Variants in KCNIP4 observed in about 807,000 individuals in gnomAD.
KCNIP4 encodes potassium voltage-gated channel interacting protein 4.
KCNIP4 carries 12 observed loss-of-function variants against 34.0 expected under a neutral mutation model. That is an observed-to-expected ratio of 0.35 (90% confidence interval 0.23 to 0.57). The LOEUF (loss-of-function observed/expected upper bound fraction) is 0.57. Ranked by LOEUF, KCNIP4 falls within the 20% of genes least tolerant of loss-of-function variation. The pLI is 0.83. For synonymous variants in KCNIP4, 124 were observed against 102.2 expected, an observed-to-expected ratio of 1.21 and a Z score of -1.29; for missense variants, 238 against 311.7, an observed-to-expected ratio of 0.76 and a Z score of 1.78.
chr4:20,858,017 G>C (rs537240081), intron 2 of KCNIP4, among the ~76,000 whole-genome samples: 1 of 151,752 alleles, frequency 6.6e-6, no homozygotes. Context: ...AGACCAGCCT[G>C]GCCAACATGG....
At chr4:21,092,632 A>AGTG (rs139883131) in intron 1 of KCNIP4, among the ~76,000 whole-genome samples, 1 of 152,034 alleles carries the variant, frequency 6.6e-6, no homozygotes, top group African/African-American at 2.4e-5. Context: ...ATGCTCCTTC[A>AGTG]TAAGGGTAGA....
intron 1 of KCNIP4, among the ~76,000 whole-genome samples, chr4:21,347,180 G>A (rs1404592387): frequency 6.6e-6 from 1 of 152,160 alleles, no homozygotes; most frequent in African/African-American, 2.4e-5. Flanking sequence ...CCTTGGTAAT[G>A]TTAATGCTTA....
intron 1 of KCNIP4, among the ~76,000 whole-genome samples, chr4:21,271,093 G>C (rs950780543): frequency 6.6e-6 from 1 of 152,048 alleles, no homozygotes; most frequent in African/African-American, 2.4e-5. Context: ...TTGAATTTAG[G>C]GTAAAGAGAA....
At chr4:21,812,005 A>C (rs916087930) in intron 1 of KCNIP4, among the ~76,000 whole-genome samples, 1 of 152,240 alleles carries the variant, frequency 6.6e-6, no homozygotes, top group African/African-American at 2.4e-5. Flanking sequence ...TTAAGCTGAA[A>C]TATTTACAAG....
chr4:21,115,423 T>C (rs7673495), intron 1 of KCNIP4, among the ~76,000 whole-genome samples: 23,737 of 152,202 alleles, frequency 0.16, 1,962 homozygotes, highest in African/African-American at 0.2. Context: ...AAATTCCTGT[T>C]GTTTAAATGA....
chr4:20,874,399 CA>C (rs149126960), intron 2 of KCNIP4, among the ~76,000 whole-genome samples: 5,434 of 152,200 alleles, frequency 0.036, 100 homozygotes, highest in African/African-American at 0.053. Context: ...TATTTCAGTA[CA>C]ATGTTAGTCT....
At chr4:21,548,727 G>A (rs1738336133) in intron 1 of KCNIP4, among the ~76,000 whole-genome samples, 1 of 152,036 alleles carries the variant, frequency 6.6e-6, no homozygotes, top group Admixed American at 6.6e-5. Context: ...GAATGGGGAA[G>A]GTGATATGAA....
intron 1 of KCNIP4, among the ~76,000 whole-genome samples, chr4:21,916,419 T>C (rs1728634143): frequency 6.6e-6 from 1 of 152,208 alleles, no homozygotes. Context: ...CTCAGACTAT[T>C]CTTCACTTTA....
chr4:20,928,478 G>A (rs1427051962), intron 1 of KCNIP4, among the ~76,000 whole-genome samples: 1 of 151,584 alleles, frequency 6.6e-6, no homozygotes, highest in Non-Finnish European at 1.5e-5. Flanking sequence ...ACAGTTCTAG[G>A]ATAAAGGTTT....
At chr4:21,572,472 A>G (rs1740433638) in intron 1 of KCNIP4, among the ~76,000 whole-genome samples, 1 of 151,802 alleles carries the variant, frequency 6.6e-6, no homozygotes, top group Non-Finnish European at 1.5e-5. Context: ...AAACCACAAA[A>G]CTCCCAATTT....
chr4:21,229,199 G>A (rs148606438), intron 1 of KCNIP4, among the ~76,000 whole-genome samples: 20 of 152,142 alleles, frequency 1.3e-4, no homozygotes, highest in African/African-American at 3.9e-4. Flanking sequence ...CCACTCATCC[G>A]TCTTCACAAA....
intron 1 of KCNIP4, among the ~76,000 whole-genome samples, chr4:21,000,581 A>T (rs1738035194): frequency 6.6e-6 from 1 of 152,054 alleles, no homozygotes; most frequent in Admixed American, 6.5e-5. Context: ...GCTACTAGGG[A>T]GGCTGAGGCA....
intron 1 of KCNIP4, among the ~76,000 whole-genome samples, chr4:21,794,889 C>A (rs1014046398): frequency 1.9e-4 from 29 of 151,942 alleles, no homozygotes; most frequent in Non-Finnish European, 3.8e-4. Context: ...GAAACAAAAA[C>A]CAAAAAACGA....
chr4:21,011,249 T>C (rs1427332233), intron 1 of KCNIP4, among the ~76,000 whole-genome samples: 1 of 152,246 alleles, frequency 6.6e-6, no homozygotes, highest in East Asian at 1.9e-4. Flanking sequence ...CCGTATTCAC[T>C]TCCTAGTGGC....
chr4:21,371,031 C>T (rs1346446855), intron 1 of KCNIP4, among the ~76,000 whole-genome samples: 1 of 140,352 alleles, frequency 7.1e-6, no homozygotes, highest in Non-Finnish European at 1.5e-5. Context: ...GAAACTTGTG[C>T]ATGTCTGGTG....
At chr4:21,408,747 A>T (rs1237483236) in intron 1 of KCNIP4, among the ~76,000 whole-genome samples, 2 of 152,248 alleles carry the variant, frequency 1.3e-5, no homozygotes, top group Non-Finnish European at 2.9e-5. Context: ...GGTCTTGATC[A>T]GAAGGAAGCC....
At chr4:20,995,516 G>A (rs572017842) in intron 1 of KCNIP4, among the ~76,000 whole-genome samples, 1 of 152,326 alleles carries the variant, frequency 6.6e-6, no homozygotes, top group East Asian at 1.9e-4. Context: ...AAGCTGGTAA[G>A]TGAAGCTGGA....
intron 1 of KCNIP4, among the ~76,000 whole-genome samples, chr4:21,824,795 G>C (rs1722575763): frequency 6.6e-6 from 1 of 152,086 alleles, no homozygotes; most frequent in African/African-American, 2.4e-5. Flanking sequence ...CTGTTGGGCT[G>C]TTACACCAGA....
intron 1 of KCNIP4, among the ~76,000 whole-genome samples, chr4:21,336,615 C>T (rs1716205187): frequency 6.6e-6 from 1 of 152,046 alleles, no homozygotes; most frequent in South Asian, 2.1e-4. Flanking sequence ...TACCTCTGTG[C>T]TTGGTTCTGT....
Sources: gnomAD v4.1 joint callset for allele counts (sites outside exome capture counted in the v4.1 genomes callset) on GRCh38, gnomAD v4.1.1 for gene constraint, MANE v1.5 for transcripts, NCBI Gene and HGNC (gene_info 2026-07-23, HGNC 2026-07-21) for gene names.